Variants in CTNNA2 observed in about 807,000 individuals in gnomAD.
CTNNA2 encodes catenin alpha-2.
In CTNNA2, 42 loss-of-function variants were observed where a neutral mutation model predicts 101.0. The ratio of observed to expected loss-of-function variants is 0.42; its 90% CI spans 0.32 to 0.54. The LOEUF is 0.54. Ranked by LOEUF, CTNNA2 falls within the 20% of genes least tolerant of loss-of-function variation. The pLI, the probability that CTNNA2 is intolerant of heterozygous loss-of-function variation, is 0.14. For synonymous variants in CTNNA2, 450 were observed against 456.4 expected (o/e 0.99, Z 0.18); for missense variants, 871 against 1,223.1 (o/e 0.71, Z 4.29).
intron 13 of CTNNA2, chr2:80,575,283 A>G (rs1025716930): frequency 2.6e-4 from 40 of 152,196 alleles, no homozygotes; most frequent in African/African-American, 9.4e-4. Context: ...TCTAGTAAAC[A>G]CACTACAAAA....
intron 4 of CTNNA2, among the ~76,000 whole-genome samples, chr2:79,391,577 C>T (rs1678173038): frequency 6.6e-6 from 1 of 152,070 alleles, no homozygotes; most frequent in Non-Finnish European, 1.5e-5. Flanking sequence ...CACCCCTAAC[C>T]CCTGCATGGT....
intron 3 of CTNNA2, among the ~76,000 whole-genome samples, chr2:79,822,689 T>C (rs908803054): frequency 6.6e-6 from 1 of 152,182 alleles, no homozygotes; most frequent in African/African-American, 2.4e-5. Flanking sequence ...TCTCTTCATA[T>C]GGCTATTCTC....
intron 7 of CTNNA2, among the ~76,000 whole-genome samples, chr2:80,249,530 A>G (rs1466693509): frequency 6.6e-6 from 1 of 152,190 alleles, no homozygotes; most frequent in Non-Finnish European, 1.5e-5. Context: ...AAGCTGGAAG[A>G]TAGTTTTAAC....
rs748884420 is a variant in CTNNA2 at position 79,558,474 on chromosome 2, T to C, written c.-6+45267T>C. Among the ~76,000 whole-genome samples, 13 of 152,026 alleles carry C rather than the reference T, an allele frequency of 8.6e-5. 1 individual carries two copies. The East Asian group carries it at 1.4e-3, about 16-fold the overall frequency. Reference sequence around the variant, plus strand: ...ATACAGTAGTGCTGTAAAGATTCAATGAAAGATCCATTATGAATCCTTCCC... The same window carrying C: ...ATACAGTAGTGCTGTAAAGATTCAACGAAAGATCCATTATGAATCCTTCCC... On this transcript the variant is annotated intron_variant, in intron 1 of 18. Coordinates refer to ENST00000402739, the MANE Select transcript of CTNNA2 (RefSeq NM_001282597.3).
chr2:79,408,342 T>G (rs1250568373), intron 4 of CTNNA2, among the ~76,000 whole-genome samples: 2 of 151,456 alleles, frequency 1.3e-5, no homozygotes, highest in East Asian at 3.9e-4. Context: ...TTAGGGTACA[T>G]GTACACAATG....
chr2:80,538,189 G>C (rs1009005680), intron 9 of CTNNA2, among the ~76,000 whole-genome samples: 1 of 152,072 alleles, frequency 6.6e-6, no homozygotes. Context: ...TCACTCTGAT[G>C]CTAGTTTATT....
chr2:80,538,606 CA>C lies in CTNNA2; in HGVS notation c.1291-6375del, dbSNP rs1691254521. Among the ~76,000 whole-genome samples, 6 of 152,256 alleles carry C rather than the reference CA, an allele frequency of 3.9e-5. 2 individuals are homozygous for C. The highest frequency in any genetic ancestry group is 1.4e-4 in the African/African-American group (6 of 41,562). ...TATATGTGTGTTTTGGTACCAGCACCATGCTGTTTTGGTTACTGTAACCTTG... is the reference window on the plus strand; with the variant it reads ...TATATGTGTGTTTTGGTACCAGCACCTGCTGTTTTGGTTACTGTAACCTTG... On this transcript the variant is annotated intron_variant, in intron 9 of 18. Transcript: ENST00000402739.
intron 1 of CTNNA2, among the ~76,000 whole-genome samples, chr2:79,526,619 G>A (rs907266523): frequency 1.3e-5 from 2 of 152,020 alleles, no homozygotes; most frequent in African/African-American, 2.4e-5. Flanking sequence ...ATTGACATCA[G>A]CATAGGCATT....
intron 7 of CTNNA2, among the ~76,000 whole-genome samples, chr2:80,151,127 A>G (rs1573232241): frequency 6.6e-6 from 1 of 152,200 alleles, no homozygotes; most frequent in Non-Finnish European, 1.5e-5. Context: ...ATTGCTGGGC[A>G]GTTTCGTCCC....
intron 7 of CTNNA2, among the ~76,000 whole-genome samples, chr2:80,053,228 AT>A (rs1440832876): frequency 6.6e-6 from 1 of 152,136 alleles, no homozygotes; most frequent in Non-Finnish European, 1.5e-5. Flanking sequence ...GTAAGTGTCC[AT>A]TTGTCCTTAG....
intron 4 of CTNNA2, among the ~76,000 whole-genome samples, chr2:79,439,682 G>C (rs955942758): frequency 6.6e-6 from 1 of 152,160 alleles, no homozygotes; most frequent in Non-Finnish European, 1.5e-5. Flanking sequence ...TCTGGGTAAT[G>C]CATTTGGAAA....
intron 2 of CTNNA2, among the ~76,000 whole-genome samples, chr2:79,278,111 C>T (rs189087728): frequency 2.7e-4 from 41 of 152,156 alleles, no homozygotes; most frequent in African/African-American, 9.9e-4. Context: ...ACTGTAGAAC[C>T]AAGACAACAT....
intron 12 of CTNNA2, among the ~76,000 whole-genome samples, chr2:80,564,613 G>T (rs1224024417): frequency 1.3e-5 from 2 of 149,190 alleles, no homozygotes; most frequent in African/African-American, 4.9e-5. Flanking sequence ...ACTTAAATTT[G>T]ATTTATGTTT....
intron 2 of CTNNA2, among the ~76,000 whole-genome samples, chr2:79,715,416 C>A (rs972530551): frequency 6.6e-6 from 1 of 151,946 alleles, no homozygotes; most frequent in African/African-American, 2.4e-5. Flanking sequence ...GATTTGGGGG[C>A]AGTACAGTAA....
At chr2:79,622,491 TG>T (rs1169503759) in intron 1 of CTNNA2, among the ~76,000 whole-genome samples, 1 of 152,132 alleles carries the variant, frequency 6.6e-6, no homozygotes, top group Non-Finnish European at 1.5e-5. Flanking sequence ...TGATAAATGA[TG>T]TTTTTAACAT....
At chr2:79,267,931 G>A (rs1375574275) in intron 2 of CTNNA2, among the ~76,000 whole-genome samples, 1 of 152,092 alleles carries the variant, frequency 6.6e-6, no homozygotes, top group South Asian at 2.1e-4. Flanking sequence ...AGAATATAGT[G>A]GAAGGGATCA....
chr2:79,378,563 A>G (rs1317512781), intron 4 of CTNNA2, among the ~76,000 whole-genome samples: 1 of 152,086 alleles, frequency 6.6e-6, no homozygotes, highest in African/African-American at 2.4e-5. Flanking sequence ...TTATCCTTCA[A>G]ATGTCATTTG....
At chr2:80,316,313 C>G (rs1678116861) in intron 7 of CTNNA2, among the ~76,000 whole-genome samples, 1 of 152,112 alleles carries the variant, frequency 6.6e-6, no homozygotes, top group Admixed American at 6.5e-5. Flanking sequence ...TTTAACCAGG[C>G]AGCACCATTC....
intron 1 of CTNNA2, among the ~76,000 whole-genome samples, chr2:79,529,593 T>C (rs1362545677): frequency 6.6e-6 from 1 of 151,962 alleles, no homozygotes; most frequent in Non-Finnish European, 1.5e-5. Flanking sequence ...ATACCACTGC[T>C]TAAGTGACAA....
Sources: allele counts gnomAD v4.1 joint callset (sites outside exome capture counted in the v4.1 genomes callset), GRCh38; gene constraint gnomAD v4.1.1; transcripts MANE v1.5; gene names NCBI Gene and HGNC (gene_info 2026-07-23, HGNC 2026-07-21).